Variants in RANBP17 observed in about 807,000 individuals in gnomAD.
The protein encoded by RANBP17 is ran-binding protein 17.
A neutral mutation model predicts 141.2 loss-of-function variants in RANBP17; 158 were observed. That is an observed-to-expected ratio of 1.12 (90% CI 0.98 to 1.28). The LOEUF is 1.28. RANBP17 is among the 50% of genes most tolerant of loss of function. The pLI is 0.00. For synonymous variants in RANBP17, 430 were observed against 450.0 expected (o/e 0.96, Z 0.56); for missense variants, 1,438 against 1,290.7 (o/e 1.11, Z -1.75).
chr5:170,964,804 A>T (rs1010431418), intron 13 of RANBP17, among the ~76,000 whole-genome samples: 4 of 152,162 alleles, frequency 2.6e-5, no homozygotes, highest in Non-Finnish European at 4.4e-5. Context: ...TCATTGTTGG[A>T]CATTTGGGTT....
At chr5:170,991,750 G>A (rs1467993932) in intron 14 of RANBP17, among the ~76,000 whole-genome samples, 2 of 151,884 alleles carry the variant, frequency 1.3e-5, no homozygotes, top group African/African-American at 4.8e-5. Flanking sequence ...CAAATACCAA[G>A]CACAGAATTT....
At chr5:170,927,812 G>T (rs1189737132) in intron 12 of RANBP17, among the ~76,000 whole-genome samples, 1 of 151,974 alleles carries the variant, frequency 6.6e-6, no homozygotes, top group East Asian at 1.9e-4. Flanking sequence ...TTTGGCTATT[G>T]CAAATAATGA....
At chr5:170,957,107 ACG>A (rs150869588) in intron 13 of RANBP17, among the ~76,000 whole-genome samples, 59 of 150,414 alleles carry the variant, frequency 3.9e-4, no homozygotes, top group African/African-American at 1.4e-3. Flanking sequence ...ACACACACAC[ACG>A]CGCACACTGC....
intron 3 of RANBP17, among the ~76,000 whole-genome samples, chr5:170,882,850 G>A (rs1309203706): frequency 6.6e-6 from 1 of 152,152 alleles, no homozygotes; most frequent in African/African-American, 2.4e-5. Context: ...TATGTAAGTA[G>A]CTTGCATTTC....
At chr5:171,067,147 C>T (rs1784359893) in intron 14 of RANBP17, among the ~76,000 whole-genome samples, 1 of 151,844 alleles carries the variant, frequency 6.6e-6, no homozygotes, top group Admixed American at 6.6e-5. Flanking sequence ...GTTTTAATTC[C>T]TTCTCCAATT....
chr5:171,107,514 G>A (rs745841765), intron 14 of RANBP17, among the ~76,000 whole-genome samples: 36 of 152,092 alleles, frequency 2.4e-4, no homozygotes, highest in Non-Finnish European at 4.1e-4. Flanking sequence ...AAAGCAAGCA[G>A]TGTAAGTGCC....
rs142223231 is a variant in RANBP17, at chr5:171,126,271, G to A, written c.1711-43859G>A. 1.2e-4 allele frequency among the ~76,000 whole-genome samples: 18 copies of A among 152,226 alleles called. No homozygotes were observed. In the East Asian group the frequency reaches 1.9e-3, roughly 16 times the overall value. ...GGAAATTTTTAAAAACTCTTGAGACGAGTGAAAATGGAAACAAAACATACC... is the reference window on the plus strand; with the variant it reads ...GGAAATTTTTAAAAACTCTTGAGACAAGTGAAAATGGAAACAAAACATACC... On this transcript the variant is annotated intron_variant, in intron 14 of 27. Transcript: ENST00000523189.
At chr5:170,887,848 G>A (rs1769286123) in intron 3 of RANBP17, among the ~76,000 whole-genome samples, 1 of 152,162 alleles carries the variant, frequency 6.6e-6, no homozygotes, top group Admixed American at 6.5e-5. Flanking sequence ...GCAAAAGAGA[G>A]TGACAAAAGG....
chr5:171,147,709 T>C (rs1758158127), intron 14 of RANBP17, among the ~76,000 whole-genome samples: 1 of 152,152 alleles, frequency 6.6e-6, no homozygotes, highest in African/African-American at 2.4e-5. Context: ...CCACCGCACC[T>C]GGCCATAATC....
At chr5:171,165,968 C>A (rs972675142) in intron 14 of RANBP17, among the ~76,000 whole-genome samples, 85 of 152,256 alleles carry the variant, frequency 5.6e-4, no homozygotes, top group African/African-American at 2.0e-3. Flanking sequence ...GGGAAGAATA[C>A]ATGCCTTTTA....
intron 14 of RANBP17, among the ~76,000 whole-genome samples, chr5:171,064,600 G>T (rs183958297): frequency 6.4e-4 from 98 of 152,220 alleles, no homozygotes; most frequent in Admixed American, 5.4e-3. Context: ...AGGCTCAAGT[G>T]ATCCTCCCAC....
At chr5:170,954,613 A>G (rs1775464534) in intron 13 of RANBP17, among the ~76,000 whole-genome samples, 1 of 141,738 alleles carries the variant, frequency 7.1e-6, no homozygotes, top group African/African-American at 2.6e-5. Context: ...TTTTACCTGG[A>G]CATTAAATTT....
chr5:171,148,411 T>G (rs1403444691), intron 14 of RANBP17, among the ~76,000 whole-genome samples: 1 of 152,004 alleles, frequency 6.6e-6, no homozygotes, highest in Non-Finnish European at 1.5e-5. Flanking sequence ...AAAAAAAAAT[T>G]TTTAATCTCA....
At chr5:171,294,096 C>A in intron 26 of RANBP17, 115 bp downstream of exon 26, 1 of 794,362 alleles carries the variant, frequency 1.3e-6, no homozygotes, top group Non-Finnish European at 2.2e-6. Flanking sequence ...TGAATTTGAA[C>A]TGGGACCTTG....
chr5:170,961,134 C>CA (rs1299744529), intron 13 of RANBP17, among the ~76,000 whole-genome samples: 2 of 152,148 alleles, frequency 1.3e-5, no homozygotes, highest in Non-Finnish European at 2.9e-5. Context: ...TAGGAAATAG[C>CA]ATTTGTTATA....
At chr5:171,164,727 A>G (rs1759562012) in intron 14 of RANBP17, among the ~76,000 whole-genome samples, 1 of 152,182 alleles carries the variant, frequency 6.6e-6, no homozygotes, top group South Asian at 2.1e-4. Flanking sequence ...AGCAAGAGAG[A>G]TGGGTAACTG....
At chr5:171,002,356 T>G (rs756319775) in intron 14 of RANBP17, among the ~76,000 whole-genome samples, 11 of 152,188 alleles carry the variant, frequency 7.2e-5, no homozygotes, top group East Asian at 3.9e-4. Context: ...GCTAGCTGCT[T>G]CTTTAGCTAC....
chr5:170,914,360 TTA>T (rs1330754738), intron 8 of RANBP17, 120 bp downstream of exon 8: 3 of 675,280 alleles, frequency 4.4e-6, no homozygotes, highest in Non-Finnish European at 7.6e-6. Flanking sequence ...CAGTAAGTTC[TTA>T]TATTTTCTGG....
chr5:171,128,831 A>G (rs1756691208), intron 14 of RANBP17, among the ~76,000 whole-genome samples: 1 of 152,026 alleles, frequency 6.6e-6, no homozygotes, highest in Non-Finnish European at 1.5e-5. Flanking sequence ...ACCCCCCCCA[A>G]AAAAAATTTG....
Sources: gnomAD v4.1 joint callset for allele counts (sites outside exome capture counted in the v4.1 genomes callset) on GRCh38, gnomAD v4.1.1 for gene constraint, MANE v1.5 for transcripts, NCBI Gene and HGNC (gene_info 2026-07-23, HGNC 2026-07-21) for gene names.